The following MITF variants were observed in gnomAD, a reference collection of about 807,000 sequenced individuals.
MITF encodes microphthalmia-associated transcription factor.
MITF carries 17 observed loss-of-function variants against 60.5 expected under a neutral mutation model. The ratio of observed to expected loss-of-function variants is 0.28; its 90% confidence interval spans 0.19 to 0.42. The LOEUF (loss-of-function observed/expected upper bound fraction) is 0.42. Ranked by LOEUF, MITF falls within the 10% of genes least tolerant of loss-of-function variation. The pLI, the probability that MITF is intolerant of heterozygous loss-of-function variation, is 1.00. For synonymous variants in MITF, 260 were observed against 248.5 expected (o/e 1.05, Z -0.43); for missense variants, 622 against 683.5 (o/e 0.91, Z 1.00).
intron 1 of MITF, among the ~76,000 whole-genome samples, chr3:69,832,401 A>G (rs2107103176): frequency 6.6e-6 from 1 of 152,336 alleles, no homozygotes; most frequent in African/African-American, 2.4e-5. Flanking sequence ...GTAGATGCCA[A>G]ACATCTACTA....
chr3:69,773,357 G>A, intron 1 of MITF, among the ~76,000 whole-genome samples: 1 of 152,164 alleles, frequency 6.6e-6, no homozygotes. Flanking sequence ...TAAAAATTGG[G>A]AGCCGTTGCA....
intron 1 of MITF, among the ~76,000 whole-genome samples, chr3:69,841,910 T>C (rs543585482): frequency 6.6e-6 from 1 of 152,302 alleles, no homozygotes; most frequent in Non-Finnish European, 1.5e-5. Context: ...GAATAATTTG[T>C]TTTTTATATA....
At chr3:69,839,192 G>A (rs1167166504) in intron 1 of MITF, among the ~76,000 whole-genome samples, 5 of 150,426 alleles carry the variant, frequency 3.3e-5, no homozygotes, top group Non-Finnish European at 5.9e-5. Flanking sequence ...TTAGACATTA[G>A]AATAAGTGGC....
chr3:69,870,320 G>GTATA (rs141271675), intron 1 of MITF, among the ~76,000 whole-genome samples: 3,537 of 146,972 alleles, frequency 0.024, 130 homozygotes, highest in African/African-American at 0.082. Context: ...ATATATACAT[G>GTATA]TATATATACA....
intron 7 of MITF, among the ~76,000 whole-genome samples, chr3:69,954,476 T>A (rs981196257): frequency 2.0e-4 from 30 of 152,056 alleles, no homozygotes; most frequent in African/African-American, 7.2e-4. Context: ...TAAATCTGAG[T>A]CTACCTGAGG....
chr3:69,808,157 A>G (rs1390191719), intron 1 of MITF, among the ~76,000 whole-genome samples: 1 of 148,790 alleles, frequency 6.7e-6, no homozygotes, highest in Non-Finnish European at 1.5e-5. Context: ...ATATAAAATT[A>G]GAGTGTTCTG....
chr3:69,789,623 A>G (rs2106908842), intron 1 of MITF, among the ~76,000 whole-genome samples: 1 of 152,298 alleles, frequency 6.6e-6, no homozygotes, highest in East Asian at 1.9e-4. Context: ...TGGGAGGCCA[A>G]CTCAGGTGGA....
At chr3:69,929,379 G>T (rs760118009) in intron 2 of MITF, among the ~76,000 whole-genome samples, 17 of 152,128 alleles carry the variant, frequency 1.1e-4, no homozygotes, top group Non-Finnish European at 2.2e-4. Flanking sequence ...ATGAGGTAAT[G>T]CTCCTGGGGT....
At chr3:69,891,962 C>T (rs2064769598) in intron 2 of MITF, among the ~76,000 whole-genome samples, 1 of 152,072 alleles carries the variant, frequency 6.6e-6, no homozygotes, top group Non-Finnish European at 1.5e-5. Flanking sequence ...GATAAGAAAA[C>T]AATAAGAAAC....
chr3:69,856,074 A>G (rs2063913584), intron 1 of MITF, among the ~76,000 whole-genome samples: 1 of 152,140 alleles, frequency 6.6e-6, no homozygotes, highest in South Asian at 2.1e-4. Flanking sequence ...TCAGAACCCT[A>G]CATGGTTTTC....
intron 1 of MITF, among the ~76,000 whole-genome samples, chr3:69,864,798 C>G (rs1039497758): frequency 4.6e-5 from 7 of 151,982 alleles, no homozygotes; most frequent in Non-Finnish European, 8.8e-5. Context: ...GTCTGCCTGC[C>G]AACTTCCCAC....
At chr3:69,872,028 A>T (rs1055727416) in intron 1 of MITF, among the ~76,000 whole-genome samples, 1 of 152,202 alleles carries the variant, frequency 6.6e-6, no homozygotes, top group Non-Finnish European at 1.5e-5. Context: ...ATTCTAGAGT[A>T]CAGTCTAGTG....
At chr3:69,887,608 G>A (rs1243789543) in intron 2 of MITF, among the ~76,000 whole-genome samples, 3 of 152,018 alleles carry the variant, frequency 2.0e-5, no homozygotes, top group African/African-American at 7.2e-5. Flanking sequence ...CCGAATTGGA[G>A]CATATGAATC....
At chr3:69,893,190 A>C (rs777494698) in intron 2 of MITF, among the ~76,000 whole-genome samples, 39 of 152,306 alleles carry the variant, frequency 2.6e-4, no homozygotes, top group South Asian at 6.2e-4. Context: ...AGAGAAGAAA[A>C]GGAGAAATCA....
chr3:69,779,037 T>G (rs1436554996), intron 1 of MITF: 1 of 152,232 alleles, frequency 6.6e-6, no homozygotes, highest in Admixed American at 6.5e-5. Flanking sequence ...TTCACTCTTT[T>G]TGAAGGTAAC....
intron 1 of MITF, among the ~76,000 whole-genome samples, chr3:69,796,762 T>C (rs1362965838): frequency 6.6e-6 from 1 of 150,468 alleles, no homozygotes; most frequent in African/African-American, 2.5e-5. Flanking sequence ...CGCCTCGGCC[T>C]CCCAAAGTGC....
chr3:69,927,121 GT>G (rs578024716), intron 2 of MITF, among the ~76,000 whole-genome samples: 86 of 145,430 alleles, frequency 5.9e-4, no homozygotes, highest in African/African-American at 1.1e-3. Context: ...TTTGTCATTA[GT>G]TTTTTTTTTT....
chr3:69,787,147 C>T (rs534051310), intron 1 of MITF, among the ~76,000 whole-genome samples: 14 of 152,268 alleles, frequency 9.2e-5, no homozygotes, highest in Admixed American at 1.3e-4. Flanking sequence ...TCTTATTGGC[C>T]ACACTTAAGT....
chr3:69,838,832 G>C (rs895240688), intron 1 of MITF, among the ~76,000 whole-genome samples: 1 of 152,154 alleles, frequency 6.6e-6, no homozygotes, highest in African/African-American at 2.4e-5. Context: ...AATTTTAAAA[G>C]TCAAATGCCC....
Sources: gnomAD v4.1 joint callset for allele counts (sites outside exome capture counted in the v4.1 genomes callset) on GRCh38, gnomAD v4.1.1 for gene constraint, MANE v1.5 for transcripts, NCBI Gene and HGNC (gene_info 2026-07-23, HGNC 2026-07-21) for gene names.